The following TSC22D1 variants were observed in gnomAD, a reference collection of about 807,000 sequenced individuals.
TSC22D1 encodes TSC22 domain family member 1, also known as TSC22 domain family protein 1.
A neutral mutation model predicts 74.2 loss-of-function variants in TSC22D1; 9 were observed. That is an observed-to-expected ratio of 0.12 (90% CI 0.07 to 0.21). The LOEUF (loss-of-function observed/expected upper bound fraction) is 0.21, where lower values mean the gene tolerates loss of function less well. Among genes scored for constraint, TSC22D1 ranks in the 10% least tolerant of loss-of-function variants. TSC22D1 has a pLI of 1.00. For missense variants in TSC22D1, 1,427 were observed against 1,304.7 expected, an observed-to-expected ratio of 1.09 and a Z score of -1.44; for synonymous variants, 586 against 492.5, an observed-to-expected ratio of 1.19 and a Z score of -2.51.
At chr13:44,506,873 T>A (rs914744262) in intron 1 of TSC22D1, among the ~76,000 whole-genome samples, 13 of 152,102 alleles carry the variant, frequency 8.5e-5, no homozygotes, top group African/African-American at 2.9e-4. Flanking sequence ...GGCAAGACAC[T>A]ACAGAATCTG....
At chr13:44,559,220 G>GAT (rs1241050373) in intron 1 of TSC22D1, among the ~76,000 whole-genome samples, 16 of 152,142 alleles carry the variant, frequency 1.1e-4, no homozygotes, top group Non-Finnish European at 2.9e-5. Flanking sequence ...GAAAGACTCA[G>GAT]ATATCTGAGC....
Position 44,574,542 on chromosome 13 carries a change from A to G in TSC22D1, c.1533T>C (p.Ala511=), listed in dbSNP as rs746789867. The G allele has an allele frequency of 6.2e-7, 1 of 1,613,882 alleles. No homozygotes were observed. The highest frequency in any genetic ancestry group is 2.2e-5 in the East Asian group (1 of 44,872). The change falls in exon 1 of 3, where the codon GCT becomes GCC. Residue 511 remains alanine (A), a synonymous_variant. Coordinates refer to ENST00000458659, the MANE Select transcript of TSC22D1 (RefSeq NM_183422.4). ...QQQQQQQQQP[A]LQGVTLQQMD... ...TCTGTTGGAGGGTCACACCTTGGAG[A>G]GCTGGTTGTTGCTGTTGTTGTTGTT...
At chr13:44,535,997 T>C (rs55737823) in intron 1 of TSC22D1, among the ~76,000 whole-genome samples, 2,554 of 152,038 alleles carry the variant, frequency 0.017, 61 homozygotes, top group African/African-American at 0.058. Flanking sequence ...CAGCCTTTCA[T>C]TGAAATATAC....
rs374352242 is a variant in TSC22D1, at chr13:44,450,433, G to A, written c.2913-14338C>T. 1.1e-3 allele frequency among the ~76,000 whole-genome samples: 172 copies of A among 152,322 alleles called. 1 individual carries two copies. Among genetic ancestry groups the A allele is most frequent in the African/African-American group, 4.0e-3 (165 of 41,564 alleles). ...TTTAAAGGGGGCAAATGATGCAATG[G>A]GATTTGTGTTTTGGCAAGGTCACTC... On this transcript the variant is annotated intron_variant, in intron 1 of 2. Coordinates refer to ENST00000458659, the MANE Select transcript of TSC22D1 (RefSeq NM_183422.4).
chr13:44,484,686 ACACCACAGAATAATAGTACATATGCAG>A (rs1016383502), intron 1 of TSC22D1, among the ~76,000 whole-genome samples: 2 of 152,368 alleles, frequency 1.3e-5, no homozygotes, highest in African/African-American at 4.8e-5. Context: ...AGTATAGGCC[ACACCACAGAATAATAGTACATATGCAG>A]CACCACAGAA....
intron 1 of TSC22D1, among the ~76,000 whole-genome samples, chr13:44,458,168 C>T (rs1205530932): frequency 1.3e-5 from 2 of 152,192 alleles, no homozygotes; most frequent in Non-Finnish European, 2.9e-5. Flanking sequence ...TCTTAATGTT[C>T]TCTTAATAGT....
At chr13:44,456,183 G>A (rs148306159) in intron 1 of TSC22D1, among the ~76,000 whole-genome samples, 1 of 152,304 alleles carries the variant, frequency 6.6e-6, no homozygotes. Context: ...GACCCAAAAA[G>A]TGAGCAGCAG....
intron 1 of TSC22D1, chr13:44,539,964 T>G: frequency 7.9e-7 from 1 of 1,264,816 alleles, no homozygotes; most frequent in South Asian, 1.2e-5. Context: ...GAAAAATTCT[T>G]ATTAAGAAAT....
chr13:44,538,401 T>C (rs1405771627), intron 1 of TSC22D1: 1 of 985,262 alleles, frequency 1.0e-6, no homozygotes, highest in Non-Finnish European at 1.2e-6. Context: ...TATTTACTAG[T>C]TACTTTCAGT....
rs112383523 is a variant in TSC22D1, at chr13:44,558,855, T to C, written c.2912+14308A>G. Among the ~76,000 whole-genome samples, 217 of 152,296 alleles carry C rather than the reference T, an allele frequency of 1.4e-3. 1 individual carries two copies. Among genetic ancestry groups the C allele is most frequent in the African/African-American group, 4.8e-3 (200 of 41,562 alleles). On this transcript the variant is annotated intron_variant, in intron 1 of 2. Coordinates refer to ENST00000458659, the MANE Select transcript of TSC22D1 (RefSeq NM_183422.4). Reference sequence around the variant, plus strand: ...TTATTATGGGATTCAGAGATGGAGGTAGGAAACCGCTAAGTTATCTAGGGT... The same window carrying C: ...TTATTATGGGATTCAGAGATGGAGGCAGGAAACCGCTAAGTTATCTAGGGT...
At chr13:44,533,191 T>C (rs1336934033) in intron 1 of TSC22D1, among the ~76,000 whole-genome samples, 2 of 152,176 alleles carry the variant, frequency 1.3e-5, no homozygotes, top group African/African-American at 2.4e-5. Context: ...CCAGGCATGA[T>C]GGCCGCTGCC....
At chr13:44,459,794 C>T (rs1044608440) in intron 1 of TSC22D1, among the ~76,000 whole-genome samples, 7 of 152,324 alleles carry the variant, frequency 4.6e-5, no homozygotes, top group African/African-American at 9.6e-5. Flanking sequence ...TGCACAGAGC[C>T]GGCGCCTAGA....
chr13:44,436,855 A>G, intron 1 of TSC22D1: 1 of 1,277,806 alleles, frequency 7.8e-7, no homozygotes, highest in East Asian at 3.1e-5. Flanking sequence ...ACTCAGCTCT[A>G]GACCAGGACT....
intron 1 of TSC22D1, among the ~76,000 whole-genome samples, chr13:44,463,105 A>G (rs1353336115): frequency 6.6e-6 from 1 of 152,310 alleles, no homozygotes; most frequent in African/African-American, 2.4e-5. Context: ...AGCTGATCAT[A>G]CAAGAAAATA....
intron 1 of TSC22D1, among the ~76,000 whole-genome samples, chr13:44,498,757 C>T (rs138755836): frequency 6.2e-4 from 95 of 152,244 alleles, no homozygotes; most frequent in African/African-American, 2.2e-3. Context: ...CCCCACTCAC[C>T]GTTGCCCTCA....
chr13:44,509,701 G>GT (rs962719314), intron 1 of TSC22D1, among the ~76,000 whole-genome samples: 5 of 151,666 alleles, frequency 3.3e-5, no homozygotes, highest in East Asian at 1.9e-4. Flanking sequence ...ATTTTACCAG[G>GT]TTTTTTTTCA....
chr13:44,454,441 C>A (rs930502388), intron 1 of TSC22D1, among the ~76,000 whole-genome samples: 2 of 152,130 alleles, frequency 1.3e-5, no homozygotes, highest in Non-Finnish European at 2.9e-5. Flanking sequence ...AACTGCCCCC[C>A]GCTAAACTAA....
chr13:44,542,409 A>G (rs1881529138), intron 1 of TSC22D1, among the ~76,000 whole-genome samples: 1 of 152,092 alleles, frequency 6.6e-6, no homozygotes, highest in South Asian at 2.1e-4. Context: ...ACTTTACGTT[A>G]AATGCATCCA....
intron 1 of TSC22D1, among the ~76,000 whole-genome samples, chr13:44,519,860 A>T (rs1213481512): frequency 6.6e-6 from 1 of 152,102 alleles, no homozygotes; most frequent in Non-Finnish European, 1.5e-5. Context: ...CCCGTAAAAA[A>T]ACCAACAGGA....
Sources: allele counts gnomAD v4.1 joint callset (sites outside exome capture counted in the v4.1 genomes callset), GRCh38; gene constraint gnomAD v4.1.1; transcripts MANE v1.5; gene names NCBI Gene and HGNC (gene_info 2026-07-23, HGNC 2026-07-21).